The following NHSL1 variants were observed in gnomAD, a reference collection of about 807,000 sequenced individuals.
NHSL1 encodes NHS-like protein 1.
In NHSL1, 48 loss-of-function variants were observed where a neutral mutation model predicts 95.0. That is an observed-to-expected ratio of 0.51 (90% CI 0.40 to 0.64). The LOEUF is 0.64. NHSL1 is among the 30% of genes least tolerant of loss of function. NHSL1 has a pLI of 0.00. For missense variants in NHSL1, 1,971 were observed against 2,077.7 expected (o/e 0.95, Z 1.00); for synonymous variants, 783 against 833.9 (o/e 0.94, Z 1.05).
chr6:138,492,910 T>G (rs974948414), intron 2 of NHSL1, among the ~76,000 whole-genome samples: 1 of 152,218 alleles, frequency 6.6e-6, no homozygotes, highest in African/African-American at 2.4e-5. Flanking sequence ...TATTTTTAAG[T>G]AGAGAATGCT....
intron 1 of NHSL1, among the ~76,000 whole-genome samples, chr6:138,620,928 C>T (rs950307518): frequency 6.6e-6 from 1 of 152,148 alleles, no homozygotes; most frequent in Admixed American, 6.5e-5. Context: ...AGCAATTCCA[C>T]CTGGCTTCAC....
chr6:138,511,147 G>A (rs1381813453), intron 1 of NHSL1, among the ~76,000 whole-genome samples: 1 of 152,174 alleles, frequency 6.6e-6, no homozygotes, highest in Admixed American at 6.5e-5. Flanking sequence ...TCAGCATCAT[G>A]GAGGCTTGGA....
chr6:138,609,211 A>G (rs1784474861), intron 1 of NHSL1, among the ~76,000 whole-genome samples: 1 of 152,204 alleles, frequency 6.6e-6, no homozygotes. Flanking sequence ...AAGGGTGGGC[A>G]GAATGCATAG....
chr6:138,426,880 T>C (rs1775298166), intron 7 of NHSL1, among the ~76,000 whole-genome samples: 1 of 152,150 alleles, frequency 6.6e-6, no homozygotes, highest in Admixed American at 6.5e-5. Flanking sequence ...TGATAAGAGT[T>C]AGGACCGGCT....
rs927138208 is a variant in NHSL1 at position 138,446,101 on chromosome 6, T to G, written c.532+900A>C. ...CCCAGGCTGGAGTGCAATGGTGCGA[T>G]CTCTCGGCTCACTGCAACCTCTGCC... On this transcript the variant is annotated intron_variant, in intron 4 of 7. Transcript: ENST00000343505. Among the ~76,000 whole-genome samples, 4 of 151,098 alleles carry G rather than the reference T, an allele frequency of 2.6e-5. No individual in the cohort carries two copies. In the East Asian group the frequency reaches 7.8e-4, roughly 29 times the overall value.
intron 1 of NHSL1, among the ~76,000 whole-genome samples, chr6:138,626,403 A>G (rs1044009998): frequency 1.3e-5 from 2 of 152,194 alleles, no homozygotes; most frequent in Non-Finnish European, 2.9e-5. Flanking sequence ...TAGTCCATAA[A>G]TTTTACTAAA....
At chr6:138,665,151 G>A (rs1008386823) in intron 1 of NHSL1, among the ~76,000 whole-genome samples, 5 of 152,096 alleles carry the variant, frequency 3.3e-5, no homozygotes, top group Non-Finnish European at 7.3e-5. Flanking sequence ...CAAATTCAGC[G>A]TTAATTTCTC....
chr6:138,542,113 G>T (rs996526264), intron 1 of NHSL1, among the ~76,000 whole-genome samples: 1 of 152,154 alleles, frequency 6.6e-6, no homozygotes, highest in Admixed American at 6.5e-5. Context: ...TCCAATAAGT[G>T]GTGTCCTTTT....
chr6:138,576,373 C>T (rs936258391), upstream of NHSL1, among the ~76,000 whole-genome samples: 10 of 152,330 alleles, frequency 6.6e-5, no homozygotes, highest in South Asian at 2.1e-4. Flanking sequence ...AACATCTTAA[C>T]GTAGCTATTT....
At chr6:138,543,940 G>T (rs1262302118) in intron 1 of NHSL1, among the ~76,000 whole-genome samples, 1 of 152,152 alleles carries the variant, frequency 6.6e-6, no homozygotes, top group Non-Finnish European at 1.5e-5. Flanking sequence ...AAAGCACTTA[G>T]TTGTCATCAC....
chr6:138,496,477 G>T, intron 1 of NHSL1, 106 bp from the exon 2 acceptor site: 1 of 1,106,782 alleles, frequency 9.0e-7, no homozygotes, highest in Non-Finnish European at 1.3e-6. Flanking sequence ...GTAAGGGCCA[G>T]CAAGGGAGCA....
chr6:138,614,728 G>A (rs917360476), intron 1 of NHSL1, among the ~76,000 whole-genome samples: 1 of 152,140 alleles, frequency 6.6e-6, no homozygotes, highest in Non-Finnish European at 1.5e-5. Context: ...AGCAGGAGGT[G>A]AGTGGCAGGC....
chr6:138,612,650 T>G (rs1046056925), intron 1 of NHSL1, among the ~76,000 whole-genome samples: 4 of 152,212 alleles, frequency 2.6e-5, no homozygotes, highest in African/African-American at 9.6e-5. Context: ...AATGTTTTTC[T>G]CTGAGAAAGC....
intron 1 of NHSL1, among the ~76,000 whole-genome samples, chr6:138,538,230 C>T (rs1223724927): frequency 6.6e-6 from 1 of 152,088 alleles, no homozygotes; most frequent in African/African-American, 2.4e-5. Context: ...CTAGATAAAG[C>T]AAAAGTGCAA....
At chr6:138,566,596 A>G (rs914524359) in intron 1 of NHSL1, among the ~76,000 whole-genome samples, 1 of 151,632 alleles carries the variant, frequency 6.6e-6, no homozygotes, top group Non-Finnish European at 1.5e-5. Flanking sequence ...TTAAAAAAAA[A>G]CCATATTTTT....
Position 138,432,031 on chromosome 6 carries a change from C to A in NHSL1, c.2314G>T (p.Val772Phe). 1 of 1,551,732 alleles carries A rather than the reference C, an allele frequency of 6.4e-7. No individual in the cohort carries two copies. The highest frequency in any genetic ancestry group is 8.7e-7 in the Non-Finnish European group (1 of 1,147,006). The change falls in exon 6 of 8, where the codon GTC becomes TTC. Residue 772 changes from valine to phenylalanine, a missense_variant. Physicochemically the swap from Val to Phe is conservative, Grantham distance 50. Coordinates refer to ENST00000343505, the MANE Select transcript of NHSL1 (RefSeq NM_001144060.2). The surrounding 1 kb of genome is among the most constrained non-coding windows in gnomAD (Gnocchi z 4.4). ...CAGGGGTCCGTGTACTCTGACTTGA[C>A]GCTGCTTGTGTCACTCTGCGATGGC... ...ATPSQSDTSS[V>F]KSEYTDPWGY...
chr6:138,430,310 G>T lies in NHSL1; in HGVS notation c.3952+83C>A. 2 of 1,403,552 alleles carry T rather than the reference G, an allele frequency of 1.4e-6. No individual in the cohort carries two copies. Among genetic ancestry groups the T allele is most frequent in the Non-Finnish European group, 1.9e-6 (2 of 1,073,704 alleles). The allele number at this position is 1,403,552 out of a possible 1,614,324, so 86.9% of individuals were successfully genotyped here. On this transcript the variant is annotated intron_variant, in intron 6 of 7. Coordinates refer to ENST00000343505, the MANE Select transcript of NHSL1 (RefSeq NM_001144060.2). This position sits in a 1 kb window ranked among gnomAD's most constrained non-coding sequence, Gnocchi z 4.7. ...TCTGATCTACCTGGGTTCTTTCCAC[G>T]TGTGAGCATTCAACAACCCTATCTG...
At chr6:138,634,213 A>G (rs1485230630) in intron 1 of NHSL1, among the ~76,000 whole-genome samples, 1 of 152,102 alleles carries the variant, frequency 6.6e-6, no homozygotes, top group Non-Finnish European at 1.5e-5. Flanking sequence ...CTTATTTATC[A>G]ATAACTTTGA....
At chr6:138,489,827 A>G (rs1480547711) in intron 2 of NHSL1, among the ~76,000 whole-genome samples, 3 of 79,698 alleles carry the variant, frequency 3.8e-5, no homozygotes, top group Admixed American at 2.5e-4. Context: ...GGAGAGAGGG[A>G]GAGAGAGAGA....
Sources: allele counts gnomAD v4.1 joint callset (sites outside exome capture counted in the v4.1 genomes callset), GRCh38; gene constraint gnomAD v4.1.1; non-coding constraint Gnocchi (gnomAD v3.1); transcripts MANE v1.5; gene names NCBI Gene and HGNC (gene_info 2026-07-23, HGNC 2026-07-21).